Variants in CLCN1 observed in about 807,000 individuals in gnomAD.
CLCN1 encodes the protein chloride voltage-gated channel 1.
A neutral mutation model predicts 114.5 loss-of-function variants in CLCN1; 100 were observed. The observed-to-expected ratio is 0.87, with a 90% confidence interval of 0.74 to 1.03. The LOEUF (loss-of-function observed/expected upper bound fraction) is 1.03, where lower values mean the gene tolerates loss of function less well. Ranked by LOEUF, CLCN1 falls within the 50% of genes least tolerant of loss-of-function variation. The probability of loss-of-function intolerance (pLI) is 0.00; values close to 1 mark genes in which losing one functional copy is unlikely to be tolerated. For synonymous variants in CLCN1, 485 were observed against 487.1 expected (o/e 1.00, Z 0.06); for missense variants, 1,188 against 1,250.0 (o/e 0.95, Z 0.75).
intron 12 of CLCN1, among the ~76,000 whole-genome samples, chr7:143,336,174 A>C (rs77661756): frequency 0.017 from 2,593 of 151,342 alleles, 83 homozygotes; most frequent in African/African-American, 0.06. Flanking sequence ...ATTTTTTTTC[A>C]CTCCTTTCAC....
rs1453387125 is a variant in CLCN1, at chr7:143,332,470, C to T, written c.1218C>T (p.Phe406=). ...IVTFVIASFT[F]PPGMGQFMAG... ...CCTTTGTCATTGCCTCATTCACCTT[C>T]CCACCAGGAATGGGTCAATTCATGG... Residue 406 remains phenylalanine (F), a synonymous_variant, in exon 11 of 23, where the codon TTC becomes TTT. Transcript: ENST00000343257. The T allele has an allele frequency of 6.2e-7, 1 of 1,613,980 alleles. No individual in the cohort carries two copies. The highest frequency in any genetic ancestry group is 2.2e-5 in the East Asian group (1 of 44,896).
chr7:143,331,110 A>G, intron 8 of CLCN1, 122 bp from the exon 9 acceptor site: 1 of 1,027,578 alleles, frequency 9.7e-7, no homozygotes, highest in Non-Finnish European at 1.5e-6. Flanking sequence ...AGGAAAATAC[A>G]TTCAAGAGGA....
intron 2 of CLCN1, 96 bp from the exon 3 acceptor site, chr7:143,320,568 T>TGG: frequency 9.8e-7 from 1 of 1,022,740 alleles, no homozygotes; most frequent in Non-Finnish European, 1.4e-6. Flanking sequence ...TCTCTCTCTC[T>TGG]CTCTCTCTCT....
intron 16 of CLCN1, among the ~76,000 whole-genome samples, chr7:143,344,330 A>C (rs1283845888): frequency 3.3e-5 from 5 of 152,180 alleles, no homozygotes; most frequent in Non-Finnish European, 7.3e-5. Context: ...ATATACCCAG[A>C]GTGCCTTGTT....
At chr7:143,327,125 A>G (rs541123507) in intron 7 of CLCN1, among the ~76,000 whole-genome samples, 1 of 152,256 alleles carries the variant, frequency 6.6e-6, no homozygotes, top group East Asian at 1.9e-4. Flanking sequence ...AGGCACTTGT[A>G]GTCCCAGCTA....
At position 143,323,378 on chromosome 7, in the gene CLCN1, G is replaced by C; in HGVS notation, c.766G>C (p.Val256Leu). The change falls in exon 6 of 23, where the codon GTA (valine) becomes CTA (leucine). Residue 256 changes from valine to leucine, a missense_variant. Transcript: ENST00000343257. ...CAAATTCATGTCTGTGTTCTGCGGG[G>C]TATATGAGGTAAGGTTGAGACAGTG... ...LSKFMSVFCG[V>L]YEQPYYYSDI... The C allele has an allele frequency of 6.2e-7, 1 of 1,611,452 alleles. No homozygotes were observed. The highest frequency in any genetic ancestry group is 1.1e-5 in the South Asian group (1 of 91,034).
rs763640926 is a variant in CLCN1 at position 143,321,707 on chromosome 7, G to A, written c.563-8G>A. ...TTGACCCTGCACATAATCTTTCAAC[G>A]CTTTTAGGCTCTGGAATCCCCGAAA... On this transcript the variant is annotated splice_region_variant and splice_polypyrimidine_tract_variant and intron_variant, in intron 4 of 22. Coordinates refer to ENST00000343257, the MANE Select transcript of CLCN1 (RefSeq NM_000083.3). The surrounding 1 kb of genome is among the most constrained non-coding windows in gnomAD (Gnocchi z 4.2). 45 of 1,614,196 alleles carry A rather than the reference G, an allele frequency of 2.8e-5. No individual in the cohort carries two copies. The Admixed American group carries it at 3.5e-4, about 13-fold the overall frequency.
chr7:143,351,965 A>AC lies in CLCN1; in HGVS notation c.*5dup, dbSNP rs1321506040. On this transcript the variant is annotated 3_prime_UTR_variant, in exon 23 of 23. Transcript: ENST00000343257. The stretch of plus-strand genomic sequence containing the variant: ...AGGATGAGGATGAACTGATCCTTTG[A>AC]CCCCCTCCCACGACCTCCTCATAAA... 5.6e-6 allele frequency: 9 copies of AC among 1,611,882 alleles called. No individual in the cohort carries two copies. Among genetic ancestry groups the AC allele is most frequent in the South Asian group, 1.1e-5 (1 of 90,972 alleles).
In CLCN1 at chr7:143,321,591, C is replaced by T; in HGVS notation, c.562+98C>T. The T allele has an allele frequency of 6.2e-7, 1 of 1,606,250 alleles. No individual in the cohort carries two copies. Among genetic ancestry groups the T allele is most frequent in the Non-Finnish European group, 8.5e-7 (1 of 1,173,958 alleles). On this transcript the variant is annotated intron_variant, in intron 4 of 22. Coordinates refer to ENST00000343257, the MANE Select transcript of CLCN1 (RefSeq NM_000083.3). The surrounding 1 kb of genome is among the most constrained non-coding windows in gnomAD (Gnocchi z 4.2). Reference sequence around the variant, plus strand: ...CAGCCCCACCCACAGCCCTGTGCTGCCTTGCCCCATCCTCCCCACCACTGC... The same window carrying T: ...CAGCCCCACCCACAGCCCTGTGCTGTCTTGCCCCATCCTCCCCACCACTGC...
intron 18 of CLCN1, 152 bp from the exon 19 acceptor site, chr7:143,346,427 G>C: frequency 1.3e-6 from 1 of 761,102 alleles, no homozygotes; most frequent in Admixed American, 2.0e-5. Context: ...GTCCCAGGGA[G>C]TGGGAGCAGA....
rs1457959527 is a variant in CLCN1, at chr7:143,323,180, C to T, written c.697-129C>T. 4 of 701,272 alleles carry T rather than the reference C, an allele frequency of 5.7e-6. No homozygotes were observed. The African/African-American group carries it at 6.9e-5, about 12-fold the overall frequency. The allele number at this position is 701,272 out of a possible 1,614,324, so 43.4% of individuals were successfully genotyped here. The stretch of plus-strand genomic sequence containing the variant: ...GGGATGAGGCCTCGTGAGGGCAGGA[C>T]CTCTGTGTAACTCCCGTATTTCCAG... On this transcript the variant is annotated intron_variant, in intron 5 of 22. Transcript: ENST00000343257.
intron 1 of CLCN1, among the ~76,000 whole-genome samples, chr7:143,318,866 C>T (rs565221665): frequency 1.2e-4 from 18 of 152,210 alleles, no homozygotes; most frequent in Non-Finnish European, 1.8e-4. Context: ...AATTCATGTG[C>T]GTGCTTGTTC....
At chr7:143,335,950 G>A (rs1009636125) in intron 12 of CLCN1, among the ~76,000 whole-genome samples, 2 of 151,962 alleles carry the variant, frequency 1.3e-5, no homozygotes, top group East Asian at 1.9e-4. Flanking sequence ...GTGAGCCACC[G>A]CACCTGGCCA....
chr7:143,316,579 A>G (rs986358684), intron 1 of CLCN1, among the ~76,000 whole-genome samples, 187 bp downstream of exon 1: 1 of 152,250 alleles, frequency 6.6e-6, no homozygotes, highest in South Asian at 2.1e-4. Context: ...TTAAGTATGC[A>G]CTTAGAGAGA....
chr7:143,320,572 T>TGGGGGTGG, intron 2 of CLCN1, 92 bp from the exon 3 acceptor site: 2 of 1,078,480 alleles, frequency 1.9e-6, no homozygotes, highest in Non-Finnish European at 1.4e-6. Flanking sequence ...TCTCTCTCTC[T>TGGGGGTGG]CTCTCTCTCT....
chr7:143,348,741 C>A (rs1035746843), intron 20 of CLCN1, among the ~76,000 whole-genome samples: 1 of 152,174 alleles, frequency 6.6e-6, no homozygotes. Flanking sequence ...TTTAATTCTG[C>A]ATACTCTGGA....
rs1051714088 is a variant in CLCN1, at chr7:143,316,240, G to A, written c.28G>A (p.Gly10Arg). The change falls in exon 1 of 23, where the codon GGG (glycine) becomes AGG (arginine). Residue 10 changes from glycine (G) to arginine (R), a missense_variant. Physicochemically the swap from Gly to Arg is moderately radical, Grantham distance 125 (BLOSUM62 -2). Coordinates refer to ENST00000343257, the MANE Select transcript of CLCN1 (RefSeq NM_000083.3). MEQSRSQQRGGEQSWWGSDP... is the reference protein window; with the variant it reads MEQSRSQQRRGEQSWWGSDP... ...GGAGCAATCCCGGTCACAGCAGCGT[G>A]GGGGTGAACAAAGCTGGTGGGGTAG... 6.2e-7 allele frequency: 1 copy of A among 1,613,546 alleles called. No individual in the cohort carries two copies. Among genetic ancestry groups the A allele is most frequent in the Non-Finnish European group, 8.5e-7 (1 of 1,179,650 alleles).
chr7:143,330,411 T>C (rs947453831), intron 7 of CLCN1, among the ~76,000 whole-genome samples: 12 of 152,096 alleles, frequency 7.9e-5, no homozygotes, highest in Non-Finnish European at 1.5e-4. Flanking sequence ...CTCTGCAGAT[T>C]TTTTTCAACT....
In CLCN1 at chr7:143,330,854, C is replaced by G. The variant is rs752153471; in HGVS notation, c.936C>G (p.Ser312Arg). The G allele has an allele frequency of 6.2e-7, 1 of 1,614,190 alleles. No individual in the cohort carries two copies. The highest frequency in any genetic ancestry group is 1.7e-5 in the Admixed American group (1 of 60,026). The change falls in exon 8 of 23, where the codon AGC (serine) becomes AGG (arginine). Residue 312 changes from serine (S) to arginine (R), a missense_variant. Transcript: ENST00000343257. The part of the protein sequence containing the change: ...YWRGFFAATF[S>R]AFVFRVLAVW... ...GAGGATTCTTTGCAGCCACGTTCAG[C>G]GCCTTTGTGTTTCGAGTGCTGGCAG...
Sources: allele counts gnomAD v4.1 joint callset (sites outside exome capture counted in the v4.1 genomes callset), GRCh38; gene constraint gnomAD v4.1.1; non-coding constraint Gnocchi (gnomAD v3.1); transcripts MANE v1.5; gene names NCBI Gene and HGNC (gene_info 2026-07-23, HGNC 2026-07-21).